The following CADPS2 variants were observed in gnomAD, a reference collection of about 807,000 sequenced individuals.
CADPS2 encodes calcium dependent secretion activator 2.
CADPS2 carries 93 observed loss-of-function variants against 172.5 expected under a neutral mutation model. The observed-to-expected ratio is 0.54, with a 90% confidence interval of 0.46 to 0.64. CADPS2 has a LOEUF of 0.64. Ranked by LOEUF, CADPS2 falls within the 30% of genes least tolerant of loss-of-function variation. CADPS2 has a pLI of 0.00. For missense variants in CADPS2, 1,420 were observed against 1,565.9 expected, an observed-to-expected ratio of 0.91 and a Z score of 1.57; for synonymous variants, 546 against 555.2, an observed-to-expected ratio of 0.98 and a Z score of 0.23.
intron 28 of CADPS2, among the ~76,000 whole-genome samples, chr7:122,342,796 T>C (rs768107957): frequency 6.6e-6 from 1 of 152,146 alleles, no homozygotes; most frequent in Admixed American, 6.6e-5. Context: ...TTTACTTACT[T>C]ATATAGGAAA....
chr7:122,639,808 G>A (rs925210274), intron 3 of CADPS2, among the ~76,000 whole-genome samples: 2 of 152,110 alleles, frequency 1.3e-5, no homozygotes, highest in African/African-American at 4.8e-5. Context: ...CATAAACATT[G>A]GAGATTTTAG....
intron 27 of CADPS2, among the ~76,000 whole-genome samples, chr7:122,349,805 C>A (rs1376249694): frequency 6.6e-6 from 1 of 152,192 alleles, no homozygotes; most frequent in Non-Finnish European, 1.5e-5. Flanking sequence ...TTGCTTCCTG[C>A]TGCTACACCT....
At chr7:122,357,921 A>G (rs2039630798) in intron 27 of CADPS2, among the ~76,000 whole-genome samples, 1 of 152,168 alleles carries the variant, frequency 6.6e-6, no homozygotes, top group African/African-American at 2.4e-5. Context: ...GTGATTATAA[A>G]CAAAGTTGTT....
chr7:122,494,619 GTTATT>G (rs574254703), intron 9 of CADPS2, among the ~76,000 whole-genome samples: 92 of 151,500 alleles, frequency 6.1e-4, no homozygotes, highest in African/African-American at 1.9e-3. Context: ...GAAATGATAG[GTTATT>G]TTATTTTATA....
chr7:122,615,160 C>A, intron 6 of CADPS2, 21 bp downstream of exon 6: 1 of 1,392,636 alleles, frequency 7.2e-7, no homozygotes. Flanking sequence ...AACAATAATA[C>A]ACTTTTTTCA....
rs147451741 is a variant in CADPS2 at position 122,557,995 on chromosome 7, C to G, written c.1336-3306G>C. On this transcript the variant is annotated intron_variant, in intron 7 of 29. Transcript: ENST00000449022. The stretch of plus-strand genomic sequence containing the variant: ...TCAGAGAACACCAATACCTAGGAAA[C>G]GAAAGAAATCAGAGCCCTAAATCAC... Among the ~76,000 whole-genome samples, 31 of 152,148 alleles carry G rather than the reference C, an allele frequency of 2.0e-4. No homozygotes were observed. In the East Asian group the frequency reaches 6.0e-3, roughly 29 times the overall value.
In CADPS2 at chr7:122,423,873, G is replaced by A. The variant is rs151327353; in HGVS notation, c.2477-7709C>T. On this transcript the variant is annotated intron_variant, in intron 17 of 29. Coordinates refer to ENST00000449022, the MANE Select transcript of CADPS2 (RefSeq NM_017954.11). ...GATGCTGGTGTAGGGAATGCACTTCGAGAACTACCAGTAGTTACGAAAAAC... is the reference window on the plus strand; with the variant it reads ...GATGCTGGTGTAGGGAATGCACTTCAAGAACTACCAGTAGTTACGAAAAAC... 4.8e-3 allele frequency among the ~76,000 whole-genome samples: 724 copies of A among 152,176 alleles called. 8 individuals are homozygous for A. Among genetic ancestry groups the A allele is most frequent in the African/African-American group, 0.017 (689 of 41,520 alleles).
rs1406117602 is a variant in CADPS2 at position 122,490,226 on chromosome 7, G to C, written c.1707C>G (p.Ile569Met). 8.7e-6 allele frequency: 14 copies of C among 1,613,152 alleles called. No homozygotes were observed. The highest frequency in any genetic ancestry group is 1.2e-5 in the Non-Finnish European group (14 of 1,179,534). ...FNAVKEGDTV[I>M]FASDDEQDRI... is the part of the protein sequence containing the mutation. ...TGTCCTGTTCATCATCACTGGCAAA[G>C]ATTACAGTATCTCCTTCTTTAACAG... Residue 569 changes from isoleucine (I) to methionine (M), a missense_variant, in exon 11 of 30, where the codon ATC (isoleucine) becomes ATG (methionine). Physicochemically the swap from Ile to Met is conservative, Grantham distance 10. Transcript: ENST00000449022.
At chr7:122,796,797 A>G (rs1756210702) in intron 1 of CADPS2, among the ~76,000 whole-genome samples, 1 of 152,120 alleles carries the variant, frequency 6.6e-6, no homozygotes, top group Non-Finnish European at 1.5e-5. Context: ...CCATTCCGGA[A>G]AGAGCAATGG....
chr7:122,723,056 A>T (rs1217308374), intron 2 of CADPS2, among the ~76,000 whole-genome samples: 2 of 152,164 alleles, frequency 1.3e-5, no homozygotes, highest in African/African-American at 4.8e-5. Context: ...CTTAAATGTT[A>T]GACTTAAAAC....
At chr7:122,806,073 T>C (rs530110963) in intron 1 of CADPS2, among the ~76,000 whole-genome samples, 2 of 152,342 alleles carry the variant, frequency 1.3e-5, no homozygotes, top group East Asian at 3.9e-4. Flanking sequence ...TAAGAAGTAC[T>C]AGCCCTGATT....
chr7:122,668,667 A>G (rs1192559426), intron 2 of CADPS2, among the ~76,000 whole-genome samples: 3 of 152,186 alleles, frequency 2.0e-5, no homozygotes, highest in Non-Finnish European at 4.4e-5. Context: ...CCATCTCATC[A>G]TGAGAGAGAG....
chr7:122,445,920 A>C (rs997637889), intron 15 of CADPS2, among the ~76,000 whole-genome samples: 2 of 152,244 alleles, frequency 1.3e-5, no homozygotes, highest in Middle Eastern at 3.2e-3. Context: ...TTGCAAATAA[A>C]GATAGTTTTG....
intron 28 of CADPS2, among the ~76,000 whole-genome samples, chr7:122,339,517 G>A (rs1226292081): frequency 6.6e-6 from 1 of 152,166 alleles, no homozygotes; most frequent in Non-Finnish European, 1.5e-5. Flanking sequence ...ATTAAGAATA[G>A]CAGTGTTAAT....
chr7:122,515,936 TG>T (rs34583891), intron 8 of CADPS2, among the ~76,000 whole-genome samples: 3,362 of 151,408 alleles, frequency 0.022, 125 homozygotes, highest in African/African-American at 0.078. Context: ...AAAATATATT[TG>T]GAAAAAAAAC....
intron 3 of CADPS2, among the ~76,000 whole-genome samples, chr7:122,645,308 C>T (rs1563946782): frequency 8.2e-5 from 10 of 121,850 alleles, no homozygotes; most frequent in African/African-American, 8.7e-5. Context: ...CACATATGTA[C>T]ATGTGTGTAT....
chr7:122,787,169 G>C (rs1300174390), intron 1 of CADPS2, among the ~76,000 whole-genome samples: 1 of 152,142 alleles, frequency 6.6e-6, no homozygotes, highest in Non-Finnish European at 1.5e-5. Flanking sequence ...TTTGAGCGTA[G>C]ATATCTAAAC....
chr7:122,680,779 G>A (rs557759946), intron 2 of CADPS2, among the ~76,000 whole-genome samples: 533 of 152,226 alleles, frequency 3.5e-3, no homozygotes, highest in Non-Finnish European at 5.9e-3. Flanking sequence ...CCATTACTGG[G>A]TATATACCCA....
chr7:122,630,869 G>A (rs2076511387), intron 3 of CADPS2, among the ~76,000 whole-genome samples: 1 of 151,898 alleles, frequency 6.6e-6, no homozygotes, highest in Non-Finnish European at 1.5e-5. Flanking sequence ...TAAAAAAACA[G>A]GCAAGATTTT....
Sources: gnomAD v4.1 joint callset for allele counts (sites outside exome capture counted in the v4.1 genomes callset) on GRCh38, gnomAD v4.1.1 for gene constraint, MANE v1.5 for transcripts, NCBI Gene and HGNC (gene_info 2026-07-23, HGNC 2026-07-21) for gene names.